The following EXTL3 variants were observed in gnomAD, a reference collection of about 807,000 sequenced individuals.
The protein encoded by EXTL3 is exostosin-like 3.
A neutral mutation model predicts 69.3 loss-of-function variants in EXTL3; 27 were observed. That is an observed-to-expected ratio of 0.39 (90% CI 0.29 to 0.54). The LOEUF (loss-of-function observed/expected upper bound fraction) is 0.54. Ranked by LOEUF, EXTL3 falls within the 20% of genes least tolerant of loss-of-function variation. The probability of loss-of-function intolerance (pLI) is 0.69; values close to 1 mark genes in which losing one functional copy is unlikely to be tolerated. For synonymous variants in EXTL3, 511 were observed against 499.4 expected (o/e 1.02, Z -0.31); for missense variants, 1,003 against 1,231.8 (o/e 0.81, Z 2.78).
chr8:28,626,360 AGC>A (rs1292998474), intron 1 of EXTL3, among the ~76,000 whole-genome samples: 3 of 152,160 alleles, frequency 2.0e-5, no homozygotes, highest in African/African-American at 7.2e-5. Context: ...ATCTGCTTTA[AGC>A]AGCTTACTCT....
At chr8:28,610,133 G>T (rs932841716) in intron 2 of EXTL3, among the ~76,000 whole-genome samples, 19 of 152,054 alleles carry the variant, frequency 1.2e-4, no homozygotes, top group African/African-American at 4.3e-4. Flanking sequence ...AACCTGGGAG[G>T]TGGAGGTTGC....
At chr8:28,668,213 G>T (rs1181255023) in intron 1 of EXTL3, among the ~76,000 whole-genome samples, 1 of 147,930 alleles carries the variant, frequency 6.8e-6, no homozygotes, top group East Asian at 2.0e-4. Context: ...GCTGCAGTGA[G>T]GTATGATTGC....
upstream of EXTL3, among the ~76,000 whole-genome samples, chr8:28,618,629 T>A (rs1047245251): frequency 6.6e-6 from 1 of 152,154 alleles, no homozygotes; most frequent in Non-Finnish European, 1.5e-5. Context: ...CAGGTTTGAC[T>A]GTGGGCAAAA....
chr8:28,624,499 G>A (rs1247714100), intron 1 of EXTL3, among the ~76,000 whole-genome samples: 2 of 152,136 alleles, frequency 1.3e-5, no homozygotes, highest in Admixed American at 6.5e-5. Flanking sequence ...GGAGGCAGAG[G>A]TTGCAGTGAA....
intron 2 of EXTL3, among the ~76,000 whole-genome samples, chr8:28,609,953 T>G (rs991191400): frequency 5.4e-5 from 8 of 148,118 alleles, no homozygotes; most frequent in African/African-American, 1.7e-4. Flanking sequence ...TAATCAATCC[T>G]ACCACTTTGG....
At chr8:28,749,006 C>A (rs983749202) in intron 6 of EXTL3, among the ~76,000 whole-genome samples, 5 of 151,850 alleles carry the variant, frequency 3.3e-5, no homozygotes, top group African/African-American at 1.2e-4. Flanking sequence ...AAAATAAAAC[C>A]AAAAATCTGT....
chr8:28,717,984 G>T lies in EXTL3; in HGVS notation c.1925G>T (p.Gly642Val). 6.2e-7 allele frequency: 1 copy of T among 1,614,152 alleles called. No homozygotes were observed. Among genetic ancestry groups the T allele is most frequent in the South Asian group, 1.1e-5 (1 of 91,074 alleles). Residue 642 changes from glycine to valine, a missense_variant, in exon 3 of 7, where the codon GGA becomes GTA. Transcript: ENST00000220562. The surrounding 1 kb of genome is among the most constrained non-coding windows in gnomAD (Gnocchi z 8.3). ...SGTGFRPIGGGAGGSGKEFQA... is the reference protein window; with the variant it reads ...SGTGFRPIGGVAGGSGKEFQA... ...ACTGGCTTTCGGCCTATTGGTGGTGGAGCTGGGGGTTCTGGCAAGGAATTT... is the reference window on the plus strand; with the variant it reads ...ACTGGCTTTCGGCCTATTGGTGGTGTAGCTGGGGGTTCTGGCAAGGAATTT...
At position 28,693,966 on chromosome 8, in the gene EXTL3, T is replaced by C. The variant is rs185364016; in HGVS notation, c.-52-19491T>C. 1.5e-3 allele frequency among the ~76,000 whole-genome samples: 230 copies of C among 152,366 alleles called. 1 individual carries two copies. Among genetic ancestry groups the C allele is most frequent in the Non-Finnish European group, 2.6e-3 (179 of 68,028 alleles). On this transcript the variant is annotated intron_variant, in intron 1 of 6. Transcript: ENST00000523149. Reference sequence around the variant, plus strand: ...GCCTTACAAATAGACTAAGTTCTTATCTGACTTAACCTCACTGATAATTCC... The same window carrying C: ...GCCTTACAAATAGACTAAGTTCTTACCTGACTTAACCTCACTGATAATTCC...
At chr8:28,634,827 T>G (rs1004743347) in intron 1 of EXTL3, among the ~76,000 whole-genome samples, 14 of 152,202 alleles carry the variant, frequency 9.2e-5, no homozygotes, top group African/African-American at 3.4e-4. Context: ...ACTCCTGACC[T>G]CAAGTGATCC....
intron 1 of EXTL3, among the ~76,000 whole-genome samples, chr8:28,706,638 T>C (rs1002031157): frequency 1.3e-5 from 2 of 152,180 alleles, no homozygotes; most frequent in African/African-American, 4.8e-5. Flanking sequence ...ACTTTGATGA[T>C]TTATTAGTGG....
intron 5 of EXTL3, chr8:28,741,157 C>A (rs568487457): frequency 1.3e-5 from 2 of 152,292 alleles, no homozygotes; most frequent in Non-Finnish European, 2.9e-5. Flanking sequence ...GCCTTGGCCT[C>A]CCAAAGTGCT....
intron 1 of EXTL3, among the ~76,000 whole-genome samples, chr8:28,680,381 G>A (rs1255423116): frequency 1.5e-5 from 1 of 66,892 alleles, no homozygotes; most frequent in Admixed American, 2.0e-4. Flanking sequence ...CACAGACTCT[G>A]TCTCAAAAAA....
At chr8:28,693,897 A>G (rs996221186) in intron 1 of EXTL3, among the ~76,000 whole-genome samples, 3 of 152,242 alleles carry the variant, frequency 2.0e-5, no homozygotes, top group African/African-American at 7.2e-5. Flanking sequence ...ATATATAGAA[A>G]AGATCTTGAA....
intron 1 of EXTL3, among the ~76,000 whole-genome samples, chr8:28,637,650 A>G (rs113813367): frequency 5.1e-5 from 5 of 97,232 alleles, no homozygotes; most frequent in African/African-American, 1.4e-4. Flanking sequence ...AAAACAATCA[A>G]TCTGTGGATT....
chr8:28,673,511 C>T (rs1031977802), intron 1 of EXTL3, among the ~76,000 whole-genome samples: 2 of 152,110 alleles, frequency 1.3e-5, no homozygotes, highest in African/African-American at 2.4e-5. Context: ...ATTTACACAC[C>T]GTTGGTTCCC....
intron 2 of EXTL3, among the ~76,000 whole-genome samples, chr8:28,609,313 A>G (rs953245639): frequency 7.9e-5 from 12 of 151,920 alleles, no homozygotes; most frequent in African/African-American, 2.9e-4. Context: ...AAAACTTGAT[A>G]TGGTGCATAT....
intron 3 of EXTL3, among the ~76,000 whole-genome samples, chr8:28,726,579 T>C (rs1055949779): frequency 7.9e-5 from 12 of 152,128 alleles, no homozygotes; most frequent in African/African-American, 2.9e-4. Context: ...CAGTGACATT[T>C]TGGGTCAGAT....
intron 1 of EXTL3, among the ~76,000 whole-genome samples, chr8:28,689,530 T>C (rs541539620): frequency 9.8e-5 from 15 of 152,352 alleles, no homozygotes; most frequent in Non-Finnish European, 1.9e-4. Flanking sequence ...TTCAAAGTAG[T>C]TTCCTAAATA....
rs1802057020 is a variant in EXTL3 at position 28,753,587 on chromosome 8, C to G, written c.*2721C>G. On this transcript the variant is annotated 3_prime_UTR_variant, in exon 7 of 7. Coordinates refer to ENST00000220562, the MANE Select transcript of EXTL3 (RefSeq NM_001440.4). ...AGTTTGTGGGGGGAAGCTTTGATAT[C>G]CATGCCACGTCCATCCACCCCACCC... The G allele has an allele frequency of 6.5e-6, 1 of 152,738 alleles. No individual in the cohort carries two copies. Among genetic ancestry groups the G allele is most frequent in the East Asian group, 1.9e-4 (1 of 5,190 alleles). The allele number at this position is 152,738 out of a possible 1,614,324, so 9.5% of individuals were successfully genotyped here. A position where few individuals can be genotyped will look rare whatever the true frequency, so the allele number is the denominator to read the frequency against.
Sources: gnomAD v4.1 joint callset for allele counts (sites outside exome capture counted in the v4.1 genomes callset) on GRCh38, gnomAD v4.1.1 for gene constraint, Gnocchi (gnomAD v3.1) non-coding constraint, MANE v1.5 for transcripts, NCBI Gene and HGNC (gene_info 2026-07-23, HGNC 2026-07-21) for gene names.